Variants in HEBP1 observed in about 807,000 individuals in gnomAD.
The protein encoded by HEBP1 is heme-binding protein 1.
A neutral mutation model predicts 20.4 loss-of-function variants in HEBP1; 13 were observed. The ratio of observed to expected loss-of-function variants is 0.64; its 90% CI spans 0.42 to 1.01. HEBP1 has a LOEUF of 1.01. Among genes scored for constraint, HEBP1 ranks in the 50% least tolerant of loss-of-function variants. HEBP1 has a pLI of 0.00. For synonymous variants in HEBP1, 92 were observed against 90.7 expected (o/e 1.01, Z -0.08); for missense variants, 241 against 247.3 (o/e 0.97, Z 0.17).
chr12:12,988,304 TA>T (rs1446951992), intron 2 of HEBP1, among the ~76,000 whole-genome samples: 2 of 152,222 alleles, frequency 1.3e-5, no homozygotes, highest in Non-Finnish European at 2.9e-5. Flanking sequence ...ATAATTCTCA[TA>T]CATATTTTCA....
intron 1 of HEBP1, among the ~76,000 whole-genome samples, chr12:12,997,554 G>A (rs572685010): frequency 1.5e-4 from 23 of 152,260 alleles, no homozygotes; most frequent in African/African-American, 5.3e-4. Flanking sequence ...TGGAGAAGGA[G>A]GAGAAATACT....
At chr12:12,978,902 T>G (rs1864036994) in intron 3 of HEBP1, 1 of 152,218 alleles carries the variant, frequency 6.6e-6, no homozygotes, top group African/African-American at 2.4e-5. Context: ...CAACAATTAT[T>G]ATCTAAATGT....
chr12:12,987,178 T>A lies in HEBP1; in HGVS notation c.372A>T (p.Glu124Asp), dbSNP rs1464535399. Residue 124 changes from glutamate to aspartate, a missense_variant, in exon 3 of 4, where the codon GAA becomes GAT. Glu to Asp is a conservative substitution (Grantham distance 45). Transcript: ENST00000014930. The part of the protein sequence containing the change: ...APSDKSVKIE[E>D]REGITVYSMQ... ...TGGAATAGACAGTGATGCCTTCCCGTTCCTCAATCTTAACGCTTTTGTCAC... is the reference window on the plus strand; with the variant it reads ...TGGAATAGACAGTGATGCCTTCCCGATCCTCAATCTTAACGCTTTTGTCAC... The A allele has an allele frequency of 6.2e-7, 1 of 1,614,110 alleles. No homozygotes were observed. Among genetic ancestry groups the A allele is most frequent in the South Asian group, 1.1e-5 (1 of 91,074 alleles).
chr12:12,990,404 C>A (rs568304135), intron 1 of HEBP1, among the ~76,000 whole-genome samples: 2 of 151,136 alleles, frequency 1.3e-5, no homozygotes, highest in East Asian at 3.9e-4. Context: ...TCTCAAACTC[C>A]TGGGCTCAAG....
chr12:12,997,221 C>T (rs935266039), intron 1 of HEBP1, among the ~76,000 whole-genome samples: 2 of 152,180 alleles, frequency 1.3e-5, no homozygotes, highest in African/African-American at 2.4e-5. Context: ...AGGGAGTTCT[C>T]CTTATCCCAG....
chr12:12,993,490 TC>T, intron 1 of HEBP1, among the ~76,000 whole-genome samples: 1 of 13,994 alleles, frequency 7.1e-5, no homozygotes, highest in Non-Finnish European at 3.3e-4. Context: ...TCTTTTCCTC[TC>T]TCTCTCTCTC....
At chr12:12,989,492 G>A (rs893654980) in intron 1 of HEBP1, 77 bp from the exon 2 acceptor site, 38 of 1,482,462 alleles carry the variant, frequency 2.6e-5, no homozygotes, top group South Asian at 3.5e-5. Context: ...GTAACAGAGG[G>A]CTAAAAAACT....
chr12:12,994,721 G>A (rs564632891), intron 1 of HEBP1, among the ~76,000 whole-genome samples: 1 of 152,234 alleles, frequency 6.6e-6, no homozygotes, highest in African/African-American at 2.4e-5. Context: ...GGTCTCATGT[G>A]TCCATCAGTT....
chr12:12,993,145 CCCTT>C (rs1186355178), intron 1 of HEBP1, among the ~76,000 whole-genome samples: 1,520 of 23,650 alleles, frequency 0.064, 38 homozygotes, highest in African/African-American at 0.076. Flanking sequence ...CTCCCTCCCT[CCCTT>C]CCTTCCTTCC....
chr12:12,981,812 T>C (rs1243426089), intron 3 of HEBP1, among the ~76,000 whole-genome samples: 1 of 152,126 alleles, frequency 6.6e-6, no homozygotes, highest in Admixed American at 6.5e-5. Flanking sequence ...CTGAGTCTGA[T>C]GGGATGGCAA....
Position 12,998,824 on chromosome 12 carries a change from C to G in HEBP1, c.78+1213G>C, listed in dbSNP as rs1264347038. On this transcript the variant is annotated intron_variant, in intron 1 of 3. Transcript: ENST00000014930. The surrounding 1 kb of genome is among the most constrained non-coding windows in gnomAD (Gnocchi z 4.2). The stretch of plus-strand genomic sequence containing the variant: ...GGAGATTATAATCTAGCAGCACTCT[C>G]CTTGTTTTCAGGGGTGCAGTCCAGT... Among the ~76,000 whole-genome samples the G allele has an allele frequency of 1.3e-5, 2 of 152,236 alleles. No individual in the cohort carries two copies. The highest frequency in any genetic ancestry group is 4.8e-5 in the African/African-American group (2 of 41,462).
chr12:12,988,375 G>T (rs1157024518), intron 2 of HEBP1, among the ~76,000 whole-genome samples: 1 of 152,090 alleles, frequency 6.6e-6, no homozygotes, highest in Non-Finnish European at 1.5e-5. Flanking sequence ...CCTCCTACAG[G>T]TTAACGTATC....
intron 2 of HEBP1, among the ~76,000 whole-genome samples, chr12:12,987,608 CTCTT>C (rs1215058490): frequency 3.3e-4 from 16 of 48,158 alleles, no homozygotes; most frequent in Non-Finnish European, 4.7e-4. Context: ...CTCTCTCTCT[CTCTT>C]TCTCTCTCTC....
chr12:12,978,200 T>C (rs1006821336), intron 3 of HEBP1, among the ~76,000 whole-genome samples: 15 of 20,338 alleles, frequency 7.4e-4, no homozygotes, highest in African/African-American at 2.5e-3. Context: ...TACGAAAGGG[T>C]TTTTTTTTTT....
Position 12,998,904 on chromosome 12 carries a change from T to A in HEBP1, c.78+1133A>T, listed in dbSNP as rs1256011644. 1.3e-5 allele frequency among the ~76,000 whole-genome samples: 2 copies of A among 152,202 alleles called. No individual in the cohort carries two copies. Among genetic ancestry groups the A allele is most frequent in the Non-Finnish European group, 2.9e-5 (2 of 68,034 alleles). ...GGGGAAGACAGCAATTATGCTCTTC[T>A]CACTCATTCTGTATTCTAGGTACCC... On this transcript the variant is annotated intron_variant, in intron 1 of 3. Transcript: ENST00000014930. The surrounding 1 kb of genome is among the most constrained non-coding windows in gnomAD (Gnocchi z 4.2).
chr12:12,988,318 T>A (rs1592404270), intron 2 of HEBP1, among the ~76,000 whole-genome samples: 1 of 152,322 alleles, frequency 6.6e-6, no homozygotes, highest in Admixed American at 6.5e-5. Flanking sequence ...TATTTTCATT[T>A]AAAAAAATGT....
chr12:12,977,723 C>T (rs1592397743), intron 3 of HEBP1: 1 of 152,234 alleles, frequency 6.6e-6, no homozygotes, highest in Admixed American at 6.5e-5. Context: ...TTAACCCCAT[C>T]CCAATCTTCT....
intron 1 of HEBP1, among the ~76,000 whole-genome samples, chr12:12,999,433 T>G (rs1864328038): frequency 6.6e-6 from 1 of 152,198 alleles, no homozygotes; most frequent in Non-Finnish European, 1.5e-5. Flanking sequence ...AGCTAGCTAC[T>G]AAGTGACTAA....
rs1300337795 is a variant in HEBP1, at chr12:12,987,163, A to C, written c.387T>G (p.Thr129=). Residue 129 remains threonine (T), a synonymous_variant, in exon 3 of 4, where the codon ACT becomes ACG. Coordinates refer to ENST00000014930, the MANE Select transcript of HEBP1 (RefSeq NM_015987.5). ...GATTGTCTCCTTACATGGAATAGACAGTGATGCCTTCCCGTTCCTCAATCT... is the reference window on the plus strand; with the variant it reads ...GATTGTCTCCTTACATGGAATAGACCGTGATGCCTTCCCGTTCCTCAATCT... ...SVKIEEREGI[T]VYSMQFGGYA... is the part of the protein sequence containing the mutation. 3.1e-5 allele frequency: 50 copies of C among 1,613,854 alleles called. No individual in the cohort carries two copies. Among genetic ancestry groups the C allele is most frequent in the Non-Finnish European group, 3.8e-5 (45 of 1,179,862 alleles).
Sources: allele counts gnomAD v4.1 joint callset (sites outside exome capture counted in the v4.1 genomes callset), GRCh38; gene constraint gnomAD v4.1.1; non-coding constraint Gnocchi (gnomAD v3.1); transcripts MANE v1.5; gene names NCBI Gene and HGNC (gene_info 2026-07-23, HGNC 2026-07-21).